Variants in SLC6A7 observed in about 807,000 individuals in gnomAD.
SLC6A7 encodes sodium-dependent proline transporter.
Under a neutral mutation model 73.1 loss-of-function variants are expected in SLC6A7, and 58 were observed. The ratio of observed to expected loss-of-function variants is 0.79; its 90% CI spans 0.64 to 0.99. The LOEUF (loss-of-function observed/expected upper bound fraction) is 0.99, where lower values mean the gene tolerates loss of function less well. SLC6A7 is among the 50% of genes least tolerant of loss of function. The probability of loss-of-function intolerance (pLI) is 0.00; values close to 1 mark genes in which losing one functional copy is unlikely to be tolerated. For missense variants in SLC6A7, 783 were observed against 831.4 expected, an observed-to-expected ratio of 0.94 and a Z score of 0.72; for synonymous variants, 338 against 338.7, an observed-to-expected ratio of 1.00 and a Z score of 0.02.
At chr5:150,191,081 T>C (rs1752762230) in intron 1 of SLC6A7, among the ~76,000 whole-genome samples, 1 of 152,106 alleles carries the variant, frequency 6.6e-6, no homozygotes, top group East Asian at 1.9e-4. Context: ...CTGGGGGACG[T>C]TTTCTGGCTT....
chr5:150,192,483 A>T (rs1049285907), intron 1 of SLC6A7, among the ~76,000 whole-genome samples: 1 of 152,144 alleles, frequency 6.6e-6, no homozygotes, highest in African/African-American at 2.4e-5. Flanking sequence ...GAAGCAACTC[A>T]TTCAGCTTCC....
At chr5:150,205,021 C>T in intron 12 of SLC6A7, 94 bp downstream of exon 12, 1 of 756,952 alleles carries the variant, frequency 1.3e-6, no homozygotes, top group South Asian at 1.7e-5. Context: ...GCCACCCTGG[C>T]CCGCAGTGGA....
intron 1 of SLC6A7, among the ~76,000 whole-genome samples, chr5:150,192,127 C>T (rs766330590): frequency 2.5e-4 from 38 of 152,014 alleles, no homozygotes; most frequent in East Asian, 5.8e-4. Flanking sequence ...GCCAGATTTC[C>T]GCAAAGGAGC....
At chr5:150,208,874 C>T (rs889369196) in intron 13 of SLC6A7, among the ~76,000 whole-genome samples, 4 of 152,138 alleles carry the variant, frequency 2.6e-5, no homozygotes, top group Admixed American at 6.5e-5. Context: ...GGAGGCAGGT[C>T]GGGGCTGGAA....
intron 1 of SLC6A7, among the ~76,000 whole-genome samples, chr5:150,192,952 T>C (rs1752852688): frequency 6.6e-6 from 1 of 152,114 alleles, no homozygotes; most frequent in African/African-American, 2.4e-5. Context: ...TGAAGGCTGA[T>C]GCTCACCCAG....
chr5:150,208,290 G>A (rs569628025), intron 13 of SLC6A7, among the ~76,000 whole-genome samples: 1 of 152,146 alleles, frequency 6.6e-6, no homozygotes, highest in Non-Finnish European at 1.5e-5. Flanking sequence ...CTGACTAACC[G>A]GACAGGGTGA....
At chr5:150,194,594 G>A (rs1011821226) in intron 1 of SLC6A7, 134 bp from the exon 2 acceptor site, 10 of 705,108 alleles carry the variant, frequency 1.4e-5, no homozygotes, top group Non-Finnish European at 2.4e-5. Flanking sequence ...TAGTCCAGTT[G>A]AGAGCACTTG....
At chr5:150,204,771 G>A (rs1428979612) in intron 11 of SLC6A7, 56 bp from the exon 12 acceptor site, 21 of 1,411,520 alleles carry the variant, frequency 1.5e-5, no homozygotes, top group Non-Finnish European at 2.0e-5. Flanking sequence ...AGGAGGGGCT[G>A]CTGGCGTTTG....
chr5:150,194,752 AC>A lies in SLC6A7; in HGVS notation c.63del (p.Ser22ValfsTer34). 1 of 1,613,218 alleles carries A rather than the reference AC, an allele frequency of 6.2e-7. No individual in the cohort carries two copies. Among genetic ancestry groups the A allele is most frequent in the Non-Finnish European group, 8.5e-7 (1 of 1,179,806 alleles). ...RKPVTPDLLMTPSDQGDVDLD... is the reference protein window; with the variant it reads ...RKPVTPDLLMXPSDQGDVDLD... ...GCCTGTCACCCCAGACCTGCTGATG[AC>A]CCCCAGTGACCAGGGCGATGTCGAC... On this transcript the variant is annotated frameshift_variant, in exon 2 of 14. Transcript: ENST00000230671. LOFTEE classifies it high-confidence loss of function.
intron 4 of SLC6A7, among the ~76,000 whole-genome samples, chr5:150,198,826 G>GTT (rs1753213893): frequency 3.8e-5 from 2 of 51,972 alleles, no homozygotes; most frequent in East Asian, 5.2e-4. Context: ...GTGTGTGTGT[G>GTT]TGTGTGTGTG....
At chr5:150,207,486 C>T (rs777187526) in intron 13 of SLC6A7, among the ~76,000 whole-genome samples, 2 of 152,188 alleles carry the variant, frequency 1.3e-5, no homozygotes, top group East Asian at 1.9e-4. Flanking sequence ...AAGTGATCCG[C>T]GCACTTCGGC....
chr5:150,199,854 T>C (rs1753276403), intron 5 of SLC6A7, among the ~76,000 whole-genome samples: 2 of 152,192 alleles, frequency 1.3e-5, no homozygotes. Flanking sequence ...GGCTTCCTTC[T>C]GAGGCTTCAT....
chr5:150,202,738 T>G (rs1753453738), intron 8 of SLC6A7, 35 bp downstream of exon 8: 1 of 1,610,476 alleles, frequency 6.2e-7, no homozygotes, highest in South Asian at 1.1e-5. Flanking sequence ...GGGGTGAGCA[T>G]GTGTGTTGGG....
At position 150,195,907 on chromosome 5, in the gene SLC6A7, G is replaced by T. The variant is rs17111012; in HGVS notation, c.218-809G>T. Among the ~76,000 whole-genome samples, 1,081 of 152,208 alleles carry T rather than the reference G, an allele frequency of 7.1e-3. 16 individuals carry two copies. The highest frequency in any genetic ancestry group is 0.025 in the African/African-American group (1,032 of 41,526). On this transcript the variant is annotated intron_variant, in intron 2 of 13. Transcript: ENST00000230671. ...CCTCTCTGTGTGCTGACCTCATTTT[G>T]TCCTGAGACAGGCTTCCTCCCCGCA...
intron 4 of SLC6A7, 120 bp downstream of exon 4, chr5:150,197,396 G>C (rs1753091297): frequency 3.1e-6 from 2 of 637,276 alleles, no homozygotes; most frequent in Admixed American, 6.4e-5. Context: ...GTGATGGCAG[G>C]TGGACTCTGG....
intron 5 of SLC6A7, among the ~76,000 whole-genome samples, chr5:150,200,331 A>G (rs899083530): frequency 1.3e-5 from 2 of 152,120 alleles, no homozygotes; most frequent in African/African-American, 2.4e-5. Flanking sequence ...TGTCTCTACT[A>G]AAAATACAAA....
At chr5:150,199,506 G>T in intron 5 of SLC6A7, 140 bp downstream of exon 5, 1 of 612,892 alleles carries the variant, frequency 1.6e-6, no homozygotes. Flanking sequence ...TTGAGACTGG[G>T]GGATGAGGGC....
Position 150,209,420 on chromosome 5 carries a change from CAGCCGG to C in SLC6A7, c.1717_1722del (p.Ser573_Arg574del). On this transcript the variant is annotated inframe_deletion, in exon 14 of 14. Transcript: ENST00000230671. ...CTTTGCTGCAGCGGCTCCAACAGGC[CAGCCGG>C]CCGGCCATGGACTGGGGACCATCGC... The C allele has an allele frequency of 2.5e-6, 4 of 1,613,562 alleles. No homozygotes were observed. The highest frequency in any genetic ancestry group is 3.4e-6 in the Non-Finnish European group (4 of 1,179,978).
chr5:150,194,546 C>T (rs565700373), intron 1 of SLC6A7, among the ~76,000 whole-genome samples, 182 bp from the exon 2 acceptor site: 50 of 152,150 alleles, frequency 3.3e-4, no homozygotes, highest in South Asian at 8.3e-4. Context: ...AAGTTTTGGT[C>T]GCCTAAAATC....
Sources: gnomAD v4.1 joint callset for allele counts (sites outside exome capture counted in the v4.1 genomes callset) on GRCh38, gnomAD v4.1.1 for gene constraint, MANE v1.5 for transcripts, NCBI Gene and HGNC (gene_info 2026-07-23, HGNC 2026-07-21) for gene names.